The following DISC1 variants were observed in gnomAD, a reference collection of about 807,000 sequenced individuals.
The protein encoded by DISC1 is DISC1 scaffold protein.
DISC1 carries 57 observed loss-of-function variants against 84.5 expected under a neutral mutation model. The ratio of observed to expected loss-of-function variants is 0.67; its 90% CI spans 0.55 to 0.84. The LOEUF (loss-of-function observed/expected upper bound fraction) is 0.84, where lower values mean the gene tolerates loss of function less well. Among genes scored for constraint, DISC1 ranks in the 40% least tolerant of loss-of-function variants. The probability of loss-of-function intolerance (pLI) is 0.00; values close to 1 mark genes in which losing one functional copy is unlikely to be tolerated. For synonymous variants in DISC1, 411 were observed against 415.2 expected (o/e 0.99, Z 0.12); for missense variants, 1,000 against 1,057.8 (o/e 0.95, Z 0.76).
chr1:232,031,229 GAGAGAA>G lies in DISC1; in HGVS notation c.2425+4683_2425+4688del, dbSNP rs1261402023. ...AGGAAGGAAGGAAGGGAGAAAGAGAGAGAGAAAGAGAGGAAGGAAGGAAGGAGAAAG... is the reference window on the plus strand; with the variant it reads ...AGGAAGGAAGGAAGGGAGAAAGAGAGAGAGAGGAAGGAAGGAAGGAGAAAG... On this transcript the variant is annotated intron_variant, in intron 12 of 12. Transcript: ENST00000439617. The surrounding 1 kb of genome is among the most constrained non-coding windows in gnomAD (Gnocchi z 4.6). Among the ~76,000 whole-genome samples, 1 of 147,638 alleles carries G rather than the reference GAGAGAA, an allele frequency of 6.8e-6. No individual in the cohort carries two copies. Among genetic ancestry groups the G allele is most frequent in the Non-Finnish European group, 1.5e-5 (1 of 66,928 alleles).
intron 1 of DISC1, among the ~76,000 whole-genome samples, chr1:231,684,225 C>T (rs747149554): frequency 6.6e-5 from 10 of 152,044 alleles, no homozygotes; most frequent in Non-Finnish European, 1.5e-4. Flanking sequence ...CATTGCAGCC[C>T]TGAACTCCTG....
chr1:231,713,269 A>G (rs2068113802), intron 3 of DISC1, among the ~76,000 whole-genome samples: 1 of 152,202 alleles, frequency 6.6e-6, no homozygotes. Flanking sequence ...ACGAGAACAC[A>G]TGGCCCATTC....
intron 10 of DISC1, among the ~76,000 whole-genome samples, chr1:231,995,909 TCG>T (rs757525439): frequency 2.0e-5 from 3 of 151,848 alleles, no homozygotes; most frequent in Non-Finnish European, 2.9e-5. Flanking sequence ...CCCTGAGGAA[TCG>T]CCACACTGAC....
intron 4 of DISC1, chr1:231,750,302 G>T: frequency 7.4e-7 from 1 of 1,352,578 alleles, no homozygotes; most frequent in Non-Finnish European, 9.5e-7. Context: ...GACAGAGAGA[G>T]AACCTTCTCA....
chr1:231,718,549 G>C (rs2069120606), intron 3 of DISC1, among the ~76,000 whole-genome samples: 2 of 151,124 alleles, frequency 1.3e-5, no homozygotes, highest in Admixed American at 6.6e-5. Flanking sequence ...CGATTATCCT[G>C]CCTCAGCCTC....
chr1:231,815,443 G>T lies in DISC1; in HGVS notation c.1793-2886G>T, dbSNP rs572990684. ...ACTACTCTTTTGCATCTTTTCTAAA[G>T]ACATGTACATGTTGGCTGGGCGCGG... On this transcript the variant is annotated intron_variant, in intron 8 of 12. Transcript: ENST00000439617. Among the ~76,000 whole-genome samples, 70 of 152,174 alleles carry T rather than the reference G, an allele frequency of 4.6e-4. No individual in the cohort carries two copies. In the Middle Eastern group the frequency reaches 0.01, roughly 22 times the overall value.
intron 4 of DISC1, among the ~76,000 whole-genome samples, chr1:231,762,181 CTTCTTTTCT>C (rs1459385716): frequency 7.7e-6 from 1 of 129,036 alleles, no homozygotes; most frequent in Non-Finnish European, 1.6e-5. Context: ...CCCTTCCTTC[CTTCTTTTCT>C]TTCTTTTCTT....
At chr1:231,995,067 A>G (rs1009001872) in intron 10 of DISC1, among the ~76,000 whole-genome samples, 3 of 152,220 alleles carry the variant, frequency 2.0e-5, no homozygotes, top group South Asian at 4.1e-4. Context: ...TAAAATTTCC[A>G]AAAGTTCAGT....
At chr1:231,851,843 A>T (rs1402850406) in intron 9 of DISC1, among the ~76,000 whole-genome samples, 1 of 152,136 alleles carries the variant, frequency 6.6e-6, no homozygotes, top group African/African-American at 2.4e-5. Context: ...GTTTTACAAA[A>T]GGCTTAGAAT....
chr1:231,869,659 G>A (rs1441528609), intron 9 of DISC1, among the ~76,000 whole-genome samples: 1 of 151,916 alleles, frequency 6.6e-6, no homozygotes. Flanking sequence ...AATAGAGTGA[G>A]AATTCATTCA....
intron 3 of DISC1, among the ~76,000 whole-genome samples, chr1:231,744,938 C>T (rs946502750): frequency 1.3e-5 from 2 of 152,056 alleles, no homozygotes; most frequent in Non-Finnish European, 2.9e-5. Flanking sequence ...AATCAATAGT[C>T]CAGAGATCCT....
At chr1:231,862,697 T>G (rs2084756589) in intron 9 of DISC1, among the ~76,000 whole-genome samples, 2 of 152,224 alleles carry the variant, frequency 1.3e-5, no homozygotes, top group South Asian at 4.1e-4. Flanking sequence ...TGACTTCAGG[T>G]GACCCAGGAA....
At chr1:231,646,075 A>G (rs962563064) in intron 1 of DISC1, among the ~76,000 whole-genome samples, 5 of 150,006 alleles carry the variant, frequency 3.3e-5, no homozygotes, top group African/African-American at 9.8e-5. Flanking sequence ...TTTTTTTACA[A>G]TAACAGTGTT....
intron 1 of DISC1, among the ~76,000 whole-genome samples, chr1:231,688,039 C>T (rs1351698292): frequency 6.6e-6 from 1 of 151,662 alleles, no homozygotes; most frequent in Non-Finnish European, 1.5e-5. Flanking sequence ...ATTCCAAAAC[C>T]ACATACATTC....
intron 9 of DISC1, among the ~76,000 whole-genome samples, chr1:231,934,986 C>A (rs1380149587): frequency 1.3e-5 from 2 of 152,234 alleles, no homozygotes; most frequent in Admixed American, 1.3e-4. Flanking sequence ...GTGGTTGGGA[C>A]TGAGCCAGAG....
intron 10 of DISC1, among the ~76,000 whole-genome samples, chr1:231,959,869 T>C (rs1660134131): frequency 1.3e-5 from 2 of 152,224 alleles, no homozygotes. Context: ...GCTCTGAGTC[T>C]GGCCTTCCTC....
chr1:231,942,606 A>G (rs577309349), intron 9 of DISC1, among the ~76,000 whole-genome samples: 1 of 152,318 alleles, frequency 6.6e-6, no homozygotes, highest in East Asian at 1.9e-4. Context: ...CAGAGGTTGC[A>G]GCGAGCCGAG....
At chr1:231,998,884 A>C (rs914173251) in intron 10 of DISC1, among the ~76,000 whole-genome samples, 1 of 152,202 alleles carries the variant, frequency 6.6e-6, no homozygotes, top group South Asian at 2.1e-4. Flanking sequence ...AAATATATAT[A>C]TCAATTTATT....
intron 3 of DISC1, among the ~76,000 whole-genome samples, chr1:231,719,266 A>C (rs2069255314): frequency 6.6e-6 from 1 of 152,116 alleles, no homozygotes; most frequent in Non-Finnish European, 1.5e-5. Context: ...AAAGAAAGAG[A>C]CCCTATTCAT....
Sources: allele counts gnomAD v4.1 joint callset (sites outside exome capture counted in the v4.1 genomes callset), GRCh38; gene constraint gnomAD v4.1.1; non-coding constraint Gnocchi (gnomAD v3.1); transcripts MANE v1.5; gene names NCBI Gene and HGNC (gene_info 2026-07-23, HGNC 2026-07-21).